The following SNTB1 variants were observed in gnomAD, a reference collection of about 807,000 sequenced individuals.
The protein encoded by SNTB1 is beta-1-syntrophin.
A neutral mutation model predicts 48.9 loss-of-function variants in SNTB1; 36 were observed. The ratio of observed to expected loss-of-function variants is 0.74; its 90% CI spans 0.56 to 0.97. The LOEUF (loss-of-function observed/expected upper bound fraction) is 0.97. SNTB1 is among the 50% of genes least tolerant of loss of function. The pLI is 0.00. For missense variants in SNTB1, 786 were observed against 703.4 expected, an observed-to-expected ratio of 1.12 and a Z score of -1.33; for synonymous variants, 299 against 294.6, an observed-to-expected ratio of 1.01 and a Z score of -0.15.
At chr8:120,584,039 C>T (rs530688090) in intron 3 of SNTB1, among the ~76,000 whole-genome samples, 174 of 152,278 alleles carry the variant, frequency 1.1e-3, no homozygotes, top group African/African-American at 3.8e-3. Flanking sequence ...GCAGGTCTGG[C>T]GTGGTGGCTC....
At chr8:120,728,605 C>G (rs1450698764) in intron 1 of SNTB1, among the ~76,000 whole-genome samples, 2 of 152,164 alleles carry the variant, frequency 1.3e-5, no homozygotes, top group African/African-American at 4.8e-5. Flanking sequence ...GTTTTCTGTT[C>G]CTGCATTAAT....
intron 4 of SNTB1, among the ~76,000 whole-genome samples, chr8:120,563,824 G>A (rs901415078): frequency 3.3e-5 from 5 of 152,022 alleles, no homozygotes; most frequent in African/African-American, 4.8e-5. Flanking sequence ...TGAAAAATAA[G>A]GCTGGCCGGG....
chr8:120,811,578 G>A lies in SNTB1; in HGVS notation c.266C>T (p.Ala89Val), dbSNP rs1216035423. The A allele has an allele frequency of 6.4e-6, 10 of 1,563,926 alleles. No homozygotes were observed. The highest frequency in any genetic ancestry group is 5.7e-5 in the Admixed American group (3 of 52,310). Reference sequence around the variant, plus strand: ...GTCGGTGAAAGCGGTGCGGACCCCGGCGGGCGAGTCCGGGGGCTGCGCGCC... The same window carrying A: ...GTCGGTGAAAGCGGTGCGGACCCCGACGGGCGAGTCCGGGGGCTGCGCGCC... ...AGGAQPPDSP[A>V]GVRTAFTDLP... The change falls in exon 1 of 7, where the codon GCC (alanine) becomes GTC (valine). Residue 89 changes from alanine to valine, a missense_variant. Physicochemically the swap from Ala to Val is moderately conservative, Grantham distance 64. Coordinates refer to ENST00000517992, the MANE Select transcript of SNTB1 (RefSeq NM_021021.4).
chr8:120,740,028 A>G (rs762299411), intron 1 of SNTB1, among the ~76,000 whole-genome samples: 1 of 152,238 alleles, frequency 6.6e-6, no homozygotes, highest in Non-Finnish European at 1.5e-5. Context: ...CAATGGCCCT[A>G]AGAGAAATTC....
chr8:120,595,553 T>C (rs1816309358), intron 3 of SNTB1, among the ~76,000 whole-genome samples: 1 of 152,010 alleles, frequency 6.6e-6, no homozygotes, highest in African/African-American at 2.4e-5. Flanking sequence ...GGCTGCTCTG[T>C]CTGTGAAGTG....
At chr8:120,665,447 C>CAAATAAAT (rs202008122) in intron 2 of SNTB1, among the ~76,000 whole-genome samples, 21 of 107,718 alleles carry the variant, frequency 1.9e-4, no homozygotes, top group Admixed American at 3.9e-4. Context: ...ACTCCATCTC[C>CAAATAAAT]AAATAAATAA....
At chr8:120,572,471 C>G (rs1241790041) in intron 4 of SNTB1, among the ~76,000 whole-genome samples, 1 of 152,186 alleles carries the variant, frequency 6.6e-6, no homozygotes, top group African/African-American at 2.4e-5. Context: ...ACAAAAAGAG[C>G]TGGCAAGAGA....
rs1374278224 is a variant in SNTB1, at chr8:120,783,338, C to T, written c.571+27935G>A. Reference sequence around the variant, plus strand: ...TGCTTTTTTAAAATTTATAATATTGCTGCTTGGACTTGGAATGCATTGTTT... The same window carrying T: ...TGCTTTTTTAAAATTTATAATATTGTTGCTTGGACTTGGAATGCATTGTTT... On this transcript the variant is annotated intron_variant, in intron 1 of 6. Coordinates refer to ENST00000517992, the MANE Select transcript of SNTB1 (RefSeq NM_021021.4). 3.3e-5 allele frequency among the ~76,000 whole-genome samples: 5 copies of T among 152,058 alleles called. No individual in the cohort carries two copies. The East Asian group carries it at 9.7e-4, about 29-fold the overall frequency.
At chr8:120,636,577 A>AT (rs1817082663) in intron 2 of SNTB1, among the ~76,000 whole-genome samples, 1 of 146,304 alleles carries the variant, frequency 6.8e-6, no homozygotes, top group Non-Finnish European at 1.5e-5. Context: ...TGAACTCATC[A>AT]TTTTTTATGG....
chr8:120,590,416 A>G (rs1044690081), intron 3 of SNTB1, among the ~76,000 whole-genome samples: 1 of 151,874 alleles, frequency 6.6e-6, no homozygotes, highest in Non-Finnish European at 1.5e-5. Context: ...TATCTATTTC[A>G]TAGGATTATT....
intron 1 of SNTB1, among the ~76,000 whole-genome samples, chr8:120,738,852 C>T (rs1818995950): frequency 6.6e-6 from 1 of 152,114 alleles, no homozygotes; most frequent in Non-Finnish European, 1.5e-5. Context: ...CTATTTTTCA[C>T]CATACACATG....
intron 4 of SNTB1, among the ~76,000 whole-genome samples, chr8:120,572,949 A>C (rs940387208): frequency 3.3e-5 from 5 of 152,094 alleles, no homozygotes; most frequent in African/African-American, 1.2e-4. Context: ...GCTGTATTTC[A>C]TGTCTTGGTT....
chr8:120,638,988 C>T (rs1311389401), intron 2 of SNTB1, among the ~76,000 whole-genome samples: 1 of 152,236 alleles, frequency 6.6e-6, no homozygotes, highest in Non-Finnish European at 1.5e-5. Flanking sequence ...AATGGTTGAA[C>T]TAGTTTACAG....
chr8:120,721,221 C>T (rs944752815), intron 1 of SNTB1, among the ~76,000 whole-genome samples: 8 of 152,122 alleles, frequency 5.3e-5, no homozygotes, highest in Non-Finnish European at 1.2e-4. Context: ...TTACTTTTGA[C>T]TATTTAAAAA....
chr8:120,663,965 T>A (rs773860434), intron 2 of SNTB1, among the ~76,000 whole-genome samples: 18 of 152,152 alleles, frequency 1.2e-4, no homozygotes, highest in Non-Finnish European at 1.9e-4. Context: ...AATACTGAAC[T>A]CAAAAATTAC....
intron 3 of SNTB1, among the ~76,000 whole-genome samples, chr8:120,618,358 T>A (rs994350186): frequency 6.6e-6 from 1 of 152,226 alleles, no homozygotes; most frequent in Non-Finnish European, 1.5e-5. Flanking sequence ...CCTTGTCCCT[T>A]ACATTCATAT....
intron 2 of SNTB1, among the ~76,000 whole-genome samples, chr8:120,644,022 T>C (rs1817239609): frequency 6.6e-6 from 1 of 152,166 alleles, no homozygotes; most frequent in South Asian, 2.1e-4. Flanking sequence ...ATCTATATCT[T>C]AAAACCACCA....
At chr8:120,646,836 C>T (rs375844817) in intron 2 of SNTB1, among the ~76,000 whole-genome samples, 7 of 152,062 alleles carry the variant, frequency 4.6e-5, no homozygotes, top group Non-Finnish European at 1.0e-4. Flanking sequence ...ATTGCCACAA[C>T]TTCAGCTCCT....
chr8:120,605,462 C>A (rs1464856204), intron 3 of SNTB1, among the ~76,000 whole-genome samples: 1 of 152,172 alleles, frequency 6.6e-6, no homozygotes, highest in Non-Finnish European at 1.5e-5. Flanking sequence ...TTATTTGAGA[C>A]AAGAGTAGTG....
Sources: allele counts gnomAD v4.1 joint callset (sites outside exome capture counted in the v4.1 genomes callset), GRCh38; gene constraint gnomAD v4.1.1; transcripts MANE v1.5; gene names NCBI Gene and HGNC (gene_info 2026-07-23, HGNC 2026-07-21).